RNF149: variants seen among roughly 807,000 people sequenced by gnomAD.
RNF149 encodes the protein E3 ubiquitin-protein ligase RNF149.
RNF149 carries 21 observed loss-of-function variants against 39.0 expected under a neutral mutation model. The observed-to-expected ratio is 0.54, with a 90% CI of 0.38 to 0.77. The LOEUF (loss-of-function observed/expected upper bound fraction) is 0.77, where lower values mean the gene tolerates loss of function less well. RNF149 is among the 30% of genes least tolerant of loss of function. RNF149 has a pLI of 0.00. For missense variants in RNF149, 493 were observed against 534.9 expected, an observed-to-expected ratio of 0.92 and a Z score of 0.77; for synonymous variants, 209 against 213.6, an observed-to-expected ratio of 0.98 and a Z score of 0.19.
intron 1 of RNF149, among the ~76,000 whole-genome samples, chr2:101,298,978 C>G (rs868691427): frequency 2.6e-5 from 4 of 152,206 alleles, no homozygotes; most frequent in African/African-American, 9.6e-5. Flanking sequence ...GGTGAAACCC[C>G]GTCTCTACTA....
downstream of RNF149, among the ~76,000 whole-genome samples, chr2:101,275,411 C>T (rs1030469347): frequency 6.9e-5 from 10 of 144,798 alleles, no homozygotes; most frequent in African/African-American, 2.3e-4. Flanking sequence ...GCCACCGCGC[C>T]CGGCCCTCCC....
intron 3 of RNF149, among the ~76,000 whole-genome samples, chr2:101,291,450 A>AT (rs879864110): frequency 0.024 from 3,331 of 137,982 alleles, 63 homozygotes; most frequent in African/African-American, 0.058. Flanking sequence ...CGCCCAGCCT[A>AT]TTTTTTTTTT....
chr2:101,290,194 A>C (rs1309145833), intron 3 of RNF149, among the ~76,000 whole-genome samples: 1 of 152,240 alleles, frequency 6.6e-6, no homozygotes. Flanking sequence ...ACAAAACAAA[A>C]AAAGGAACTT....
rs1231509052 is a variant in RNF149, at chr2:101,276,929, A to C, written c.*309T>G. The C allele has an allele frequency of 1.8e-6, 2 of 1,082,794 alleles. No individual in the cohort carries two copies. Among genetic ancestry groups the C allele is most frequent in the Non-Finnish European group, 2.3e-6 (2 of 886,580 alleles). 67.1% of individuals were successfully genotyped at this position (1,082,794 alleles called of 1,614,324 possible). A position where few individuals can be genotyped will look rare whatever the true frequency, so the allele number is the denominator to read the frequency against. ...TAACTGGTTTTTACAGAACCATAGC[A>C]GCCAATTATTTAGAAACACCACCTG... On this transcript the variant is annotated 3_prime_UTR_variant, in exon 7 of 7. Coordinates refer to ENST00000295317, the MANE Select transcript of RNF149 (RefSeq NM_173647.4).
intron 1 of RNF149, among the ~76,000 whole-genome samples, chr2:101,307,445 C>A (rs992666150): frequency 6.6e-6 from 1 of 152,338 alleles, no homozygotes; most frequent in South Asian, 2.1e-4. Flanking sequence ...TCCCAAAGTG[C>A]TGGGATTACA....
chr2:101,275,787 A>G lies in RNF149; in HGVS notation c.*1451T>C. The G allele has an allele frequency of 1.0e-6, 1 of 981,474 alleles. No homozygotes were observed. Among genetic ancestry groups the G allele is most frequent in the Non-Finnish European group, 1.2e-6 (1 of 826,346 alleles). The allele number at this position is 981,474 out of a possible 1,614,324, so 60.8% of individuals were successfully genotyped here. On this transcript the variant is annotated 3_prime_UTR_variant, in exon 7 of 7. Coordinates refer to ENST00000295317, the MANE Select transcript of RNF149 (RefSeq NM_173647.4). ...AAAGAGCAAACAATCTACTTGCTACAGAATCAGGATGTATTTTCCTATTTA... is the reference window on the plus strand; with the variant it reads ...AAAGAGCAAACAATCTACTTGCTACGGAATCAGGATGTATTTTCCTATTTA...
At position 101,277,130 on chromosome 2, in the gene RNF149, A is replaced by C; in HGVS notation, c.*108T>G. 1 of 1,490,346 alleles carries C rather than the reference A, an allele frequency of 6.7e-7. No individual in the cohort carries two copies. The highest frequency in any genetic ancestry group is 9.1e-7 in the Non-Finnish European group (1 of 1,102,638). 92.3% of individuals were successfully genotyped at this position (1,490,346 alleles called of 1,614,324 possible). A position where few individuals can be genotyped will look rare whatever the true frequency, so the allele number is the denominator to read the frequency against. On this transcript the variant is annotated 3_prime_UTR_variant, in exon 7 of 7. Coordinates refer to ENST00000295317, the MANE Select transcript of RNF149 (RefSeq NM_173647.4). ...CAAATCAGAATCTAATAGGTAAAAT[A>C]ATATACATTATTTTCAAATATACAA...
intron 1 of RNF149, among the ~76,000 whole-genome samples, chr2:101,298,656 C>CA (rs1441480557): frequency 4.6e-5 from 7 of 151,804 alleles, no homozygotes; most frequent in Admixed American, 2.6e-4. Flanking sequence ...AACAAACAAA[C>CA]AAAAAAACCC....
chr2:101,295,167 C>G lies in RNF149; in HGVS notation c.475G>C (p.Val159Leu), dbSNP rs751380866. ...PMSHAGTGNI[V>L]VIMISYPKGR... is the part of the protein sequence containing the mutation. ...TTTGGATAGCTAATCATAATGACCA[C>G]TATATTTCCTGTTCCTGTAGGAAAG... The change falls in exon 2 of 7, where the codon GTG becomes CTG. Residue 159 changes from valine (V) to leucine (L), a missense_variant. Physicochemically the swap from Val to Leu is conservative, Grantham distance 32. Transcript: ENST00000295317. 25 of 1,613,108 alleles carry G rather than the reference C, an allele frequency of 1.5e-5. No homozygotes were observed. The South Asian group carries it at 2.6e-4, about 17-fold the overall frequency.
chr2:101,299,062 CAGA>C lies in RNF149; in HGVS notation c.461-3884_461-3882del, dbSNP rs1165693834. Among the ~76,000 whole-genome samples the C allele has an allele frequency of 2.0e-5, 3 of 152,286 alleles. No homozygotes were observed. In the South Asian group the frequency reaches 6.2e-4, roughly 32 times the overall value. ...ATCCCAGCTACTCTGGAGGCTGAGG[CAGA>C]AGAATTGCTCGAACCCAGAGTTGGA... is the stretch of plus-strand genomic sequence containing the variant. On this transcript the variant is annotated intron_variant, in intron 1 of 6. Transcript: ENST00000295317.
intron 1 of RNF149, among the ~76,000 whole-genome samples, chr2:101,298,549 G>A (rs1414374805): frequency 1.3e-5 from 2 of 152,184 alleles, no homozygotes; most frequent in African/African-American, 4.8e-5. Flanking sequence ...TACAGTATGT[G>A]TATGAAGGCT....
downstream of RNF149, chr2:101,273,416 C>T (rs919724412): frequency 4.3e-6 from 2 of 462,228 alleles, no homozygotes; most frequent in Non-Finnish European, 9.0e-6. Flanking sequence ...ATACATTCCC[C>T]CAATTCTCTG....
chr2:101,306,414 C>T (rs1179818868), intron 1 of RNF149, among the ~76,000 whole-genome samples: 2 of 152,140 alleles, frequency 1.3e-5, no homozygotes. Context: ...CTTGTGCAAA[C>T]GCAGCCTGGG....
At chr2:101,296,278 A>T (rs569061216) in intron 1 of RNF149, among the ~76,000 whole-genome samples, 9 of 152,356 alleles carry the variant, frequency 5.9e-5, no homozygotes, top group African/African-American at 2.2e-4. Context: ...GACATGAGAG[A>T]AAAATTAAGA....
chr2:101,275,125 T>TG (rs1682286000), downstream of RNF149, among the ~76,000 whole-genome samples: 2 of 130,964 alleles, frequency 1.5e-5, no homozygotes, highest in Admixed American at 7.8e-5. Context: ...TTTTTTTTTT[T>TG]TTTTTTTTTT....
At chr2:101,300,298 T>C (rs182472106) in intron 1 of RNF149, among the ~76,000 whole-genome samples, 90 of 152,224 alleles carry the variant, frequency 5.9e-4, no homozygotes, top group African/African-American at 2.1e-3. Flanking sequence ...AGGTACCTTG[T>C]TGAATAAATG....
At chr2:101,277,862 CAGA>C (rs1558776018) in intron 6 of RNF149, among the ~76,000 whole-genome samples, 1 of 152,222 alleles carries the variant, frequency 6.6e-6, no homozygotes, top group African/African-American at 2.4e-5. Flanking sequence ...ATGGCGGTAC[CAGA>C]AGATGTTCCC....
intron 3 of RNF149, among the ~76,000 whole-genome samples, chr2:101,290,944 T>C (rs534562492): frequency 6.6e-6 from 1 of 152,172 alleles, no homozygotes; most frequent in African/African-American, 2.4e-5. Context: ...TGACACAAGA[T>C]AGGCCAACAG....
At chr2:101,280,378 A>C (rs1194692458) in intron 6 of RNF149, among the ~76,000 whole-genome samples, 2 of 152,172 alleles carry the variant, frequency 1.3e-5, no homozygotes, top group African/African-American at 4.8e-5. Flanking sequence ...AGGAAAAAAC[A>C]GATTAGTTAA....
Sources: gnomAD v4.1 joint callset for allele counts (sites outside exome capture counted in the v4.1 genomes callset) on GRCh38, gnomAD v4.1.1 for gene constraint, MANE v1.5 for transcripts, NCBI Gene and HGNC (gene_info 2026-07-23, HGNC 2026-07-21) for gene names.